Variants in AGPS observed in about 807,000 individuals in gnomAD.
The protein encoded by AGPS is alkyldihydroxyacetonephosphate synthase, peroxisomal.
A neutral mutation model predicts 90.7 loss-of-function variants in AGPS; 26 were observed. That is an observed-to-expected ratio of 0.29 (90% CI 0.21 to 0.40). The LOEUF is 0.40. Ranked by LOEUF, AGPS falls within the 10% of genes least tolerant of loss-of-function variation. The pLI is 1.00. For synonymous variants in AGPS, 294 were observed against 285.3 expected (o/e 1.03, Z -0.31); for missense variants, 540 against 816.1 (o/e 0.66, Z 4.12).
intron 16 of AGPS, among the ~76,000 whole-genome samples, chr2:177,512,405 C>T (rs6710109): frequency 6.6e-6 from 1 of 152,074 alleles, no homozygotes; most frequent in African/African-American, 2.4e-5. Context: ...CTTTCAGATA[C>T]TGTATTCATA....
chr2:177,437,144 G>T, intron 5 of AGPS, 90 bp downstream of exon 5: 1 of 1,252,108 alleles, frequency 8.0e-7, no homozygotes, highest in Non-Finnish European at 1.2e-6. Flanking sequence ...TGGCATATGA[G>T]TTGTAAAAAA....
Position 177,393,274 on chromosome 2 carries a change from A to G in AGPS, c.260+225A>G, listed in dbSNP as rs950455635. The G allele has an allele frequency of 4.1e-6, 4 of 985,250 alleles. No individual in the cohort carries two copies. The African/African-American group carries it at 5.2e-5, about 13-fold the overall frequency. 61.0% of individuals were successfully genotyped at this position (985,250 alleles called of 1,614,324 possible). On this transcript the variant is annotated intron_variant, in intron 1 of 19. Coordinates refer to ENST00000264167, the MANE Select transcript of AGPS (RefSeq NM_003659.4). ...TGGATTTTGGTCACTATGTGAGGGT[A>G]ACAGGCTTGAAGAACTCTCGTTGGA... is the stretch of plus-strand genomic sequence containing the variant.
intron 10 of AGPS, among the ~76,000 whole-genome samples, chr2:177,481,755 A>G (rs1320987017): frequency 6.6e-6 from 1 of 152,050 alleles, no homozygotes; most frequent in Non-Finnish European, 1.5e-5. Flanking sequence ...TTTTTATTTT[A>G]ATAAGTTGTA....
intron 19 of AGPS, among the ~76,000 whole-genome samples, chr2:177,533,665 A>C (rs1179971225): frequency 1.3e-5 from 2 of 152,188 alleles, no homozygotes; most frequent in East Asian, 3.8e-4. Context: ...ATTGTTACAG[A>C]ATACTTTTAT....
At chr2:177,515,243 A>G (rs1378393440) in intron 17 of AGPS, among the ~76,000 whole-genome samples, 1 of 152,010 alleles carries the variant, frequency 6.6e-6, no homozygotes. Flanking sequence ...TGTTTATATT[A>G]TCAACCCAAA....
chr2:177,486,016 G>A (rs1011951763), intron 11 of AGPS, among the ~76,000 whole-genome samples: 9 of 152,200 alleles, frequency 5.9e-5, no homozygotes, highest in East Asian at 1.9e-4. Flanking sequence ...AAAGCAGGTC[G>A]TAAAGAAAGG....
chr2:177,426,301 G>A (rs10930789), intron 2 of AGPS, among the ~76,000 whole-genome samples: 133,472 of 152,170 alleles, frequency 0.88, 58,653 homozygotes, highest in East Asian at 0.98. Context: ...GGCTGAGATG[G>A]TGGGGTTTTC....
At chr2:177,440,381 C>T (rs1468344526) in intron 5 of AGPS, among the ~76,000 whole-genome samples, 2 of 152,082 alleles carry the variant, frequency 1.3e-5, no homozygotes, top group Non-Finnish European at 2.9e-5. Context: ...TGCAACATCA[C>T]TTCTGTGGAA....
intron 1 of AGPS, among the ~76,000 whole-genome samples, chr2:177,418,786 G>T (rs974545358): frequency 6.6e-6 from 1 of 150,382 alleles, no homozygotes; most frequent in African/African-American, 2.4e-5. Flanking sequence ...TCAATCCCAA[G>T]TTTTGGCACC....
intron 2 of AGPS, 105 bp from the exon 3 acceptor site, chr2:177,434,222 G>A (rs1164996918): frequency 1.0e-5 from 8 of 772,772 alleles, no homozygotes; most frequent in Non-Finnish European, 1.7e-5. Flanking sequence ...ATGTGAAAGT[G>A]TTGGTTTGAT....
chr2:177,405,700 G>A (rs1439131158), intron 1 of AGPS, among the ~76,000 whole-genome samples: 1 of 120,896 alleles, frequency 8.3e-6, no homozygotes, highest in African/African-American at 3.2e-5. Flanking sequence ...CCACCTTCCT[G>A]TCTTTCTGAC....
At chr2:177,434,997 G>GGGTGTATA (rs36151985) in intron 3 of AGPS, among the ~76,000 whole-genome samples, 1 of 128,160 alleles carries the variant, frequency 7.8e-6, no homozygotes, top group African/African-American at 3.1e-5. Flanking sequence ...TAAACTGTAG[G>GGGTGTATA]TATATATATA....
intron 18 of AGPS, among the ~76,000 whole-genome samples, chr2:177,521,926 G>A (rs1250221800): frequency 6.6e-6 from 1 of 152,180 alleles, no homozygotes; most frequent in Non-Finnish European, 1.5e-5. Flanking sequence ...AGACTAGAGT[G>A]TGGAGGATCC....
intron 15 of AGPS, 84 bp downstream of exon 15, chr2:177,505,659 C>T (rs939983259): frequency 8.7e-6 from 11 of 1,260,220 alleles, no homozygotes; most frequent in Non-Finnish European, 1.1e-5. Flanking sequence ...CAATTGTCTT[C>T]CCTATTTTTT....
intron 10 of AGPS, among the ~76,000 whole-genome samples, chr2:177,476,725 AGTT>A (rs942987154): frequency 3.9e-5 from 6 of 152,040 alleles, no homozygotes; most frequent in African/African-American, 1.2e-4. Flanking sequence ...TCTTGTGCCT[AGTT>A]GTTGTGTCCA....
intron 19 of AGPS, among the ~76,000 whole-genome samples, chr2:177,526,385 A>G (rs1297191283): frequency 2.0e-5 from 3 of 152,008 alleles, no homozygotes; most frequent in Non-Finnish European, 4.4e-5. Context: ...ATGCGCCACA[A>G]TTCATGGCTA....
At chr2:177,456,148 A>G (rs545142554) in intron 8 of AGPS, among the ~76,000 whole-genome samples, 2 of 152,336 alleles carry the variant, frequency 1.3e-5, no homozygotes, top group South Asian at 4.1e-4. Flanking sequence ...TTGTGCCATT[A>G]TACTCCAGTT....
At chr2:177,461,550 A>T (rs1211395003) in intron 8 of AGPS, among the ~76,000 whole-genome samples, 2 of 152,186 alleles carry the variant, frequency 1.3e-5, no homozygotes, top group Admixed American at 6.5e-5. Context: ...GATCTCCATA[A>T]ATATTTAAAC....
At chr2:177,414,944 A>G (rs1157340011) in intron 1 of AGPS, among the ~76,000 whole-genome samples, 2 of 126,116 alleles carry the variant, frequency 1.6e-5, no homozygotes, top group African/African-American at 5.3e-5. Flanking sequence ...ATATACATAT[A>G]TGATGAATGC....
Sources: allele counts gnomAD v4.1 joint callset (sites outside exome capture counted in the v4.1 genomes callset), GRCh38; gene constraint gnomAD v4.1.1; transcripts MANE v1.5; gene names NCBI Gene and HGNC (gene_info 2026-07-23, HGNC 2026-07-21).